PRDM16: variants seen among roughly 807,000 people sequenced by gnomAD.
The protein encoded by PRDM16 is PR/SET domain 16.
Under a neutral mutation model 110.6 loss-of-function variants are expected in PRDM16, and 23 were observed. The observed-to-expected ratio is 0.21, with a 90% CI of 0.15 to 0.29. PRDM16 has a LOEUF of 0.29. PRDM16 is among the 10% of genes least tolerant of loss of function. The probability of loss-of-function intolerance (pLI) is 1.00; values close to 1 mark genes in which losing one functional copy is unlikely to be tolerated. For synonymous variants in PRDM16, 799 were observed against 781.8 expected, an observed-to-expected ratio of 1.02 and a Z score of -0.37; for missense variants, 1,615 against 1,794.3, an observed-to-expected ratio of 0.90 and a Z score of 1.81.
At chr1:3,137,148 A>G (rs979894508) in intron 1 of PRDM16, among the ~76,000 whole-genome samples, 2 of 152,202 alleles carry the variant, frequency 1.3e-5, no homozygotes, top group African/African-American at 4.8e-5. Flanking sequence ...TCCCACCAGA[A>G]CAGGGTGACC....
At chr1:3,094,318 C>T (rs1444977100) in intron 1 of PRDM16, among the ~76,000 whole-genome samples, 1 of 152,218 alleles carries the variant, frequency 6.6e-6, no homozygotes, top group Non-Finnish European at 1.5e-5. Flanking sequence ...TGGGCAGCCA[C>T]GGAATTGTCA....
chr1:3,162,348 C>T (rs936897291), intron 1 of PRDM16, among the ~76,000 whole-genome samples: 4 of 152,210 alleles, frequency 2.6e-5, no homozygotes, highest in Non-Finnish European at 5.9e-5. Flanking sequence ...CCTCCCTCCT[C>T]CCGCAGCCGC....
chr1:3,237,639 G>A (rs1639567298), intron 2 of PRDM16, among the ~76,000 whole-genome samples: 1 of 152,248 alleles, frequency 6.6e-6, no homozygotes, highest in African/African-American at 2.4e-5. Context: ...CCAGGGAGAG[G>A]AAGAGCAGTG....
rs1351626774 is a variant in PRDM16, at chr1:3,411,326, C to T, written c.1187-58C>T. On this transcript the variant is annotated intron_variant, in intron 8 of 16. Coordinates refer to ENST00000270722, the MANE Select transcript of PRDM16 (RefSeq NM_022114.4). ...TCCCAGTAATTTCATGTGGCGTTTT[C>T]AGCAGGGTTTCCCGGTCATTTCATG... 10 of 1,541,008 alleles carry T rather than the reference C, an allele frequency of 6.5e-6. No individual in the cohort carries two copies. In the East Asian group the frequency reaches 2.3e-4, roughly 35 times the overall value.
intron 3 of PRDM16, among the ~76,000 whole-genome samples, chr1:3,378,119 C>T (rs917249502): frequency 3.3e-5 from 5 of 152,212 alleles, no homozygotes; most frequent in African/African-American, 9.6e-5. Flanking sequence ...GGCGCTGTCC[C>T]CACCTGGTAC....
At chr1:3,221,893 C>A (rs1468846748) in intron 2 of PRDM16, among the ~76,000 whole-genome samples, 1 of 152,256 alleles carries the variant, frequency 6.6e-6, no homozygotes, top group Non-Finnish European at 1.5e-5. Context: ...AGGCCCAGAA[C>A]CTTGGAGCCA....
chr1:3,209,774 G>A lies in PRDM16; in HGVS notation c.387+23300G>A, dbSNP rs1258638779. 1.3e-5 allele frequency among the ~76,000 whole-genome samples: 2 copies of A among 152,156 alleles called. No individual in the cohort carries two copies. Among genetic ancestry groups the A allele is most frequent in the African/African-American group, 2.4e-5 (1 of 41,440 alleles). On this transcript the variant is annotated intron_variant, in intron 2 of 16. Transcript: ENST00000270722. This position sits in a 1 kb window ranked among gnomAD's most constrained non-coding sequence, Gnocchi z 4.6. ...CCAGGAACTTGTCTTGTAGTTTCCT[G>A]AGCACGACAGCCAGGACTTGGTCCA... is the stretch of plus-strand genomic sequence containing the variant.
chr1:3,310,047 GCA>G (rs1343430909), intron 3 of PRDM16: 2 of 152,248 alleles, frequency 1.3e-5, no homozygotes, highest in Admixed American at 1.3e-4. Context: ...CCTGGGTGCA[GCA>G]CAGACACTTT....
chr1:3,173,146 T>C (rs1215632262), intron 1 of PRDM16, among the ~76,000 whole-genome samples: 1 of 152,140 alleles, frequency 6.6e-6, no homozygotes, highest in East Asian at 1.9e-4. Flanking sequence ...TCGGCTGTGA[T>C]TCAGGAGGGA....
At chr1:3,192,609 C>A (rs189033363) in intron 2 of PRDM16, among the ~76,000 whole-genome samples, 4 of 152,110 alleles carry the variant, frequency 2.6e-5, no homozygotes, top group Non-Finnish European at 4.4e-5. Context: ...GACTTAGACC[C>A]CTCCGTCGGT....
At chr1:3,140,359 T>C (rs1449677912) in intron 1 of PRDM16, among the ~76,000 whole-genome samples, 1 of 152,124 alleles carries the variant, frequency 6.6e-6, no homozygotes, top group Non-Finnish European at 1.5e-5. Context: ...TACGGGGGTC[T>C]CACATAGGGC....
chr1:3,404,895 C>G lies in PRDM16; in HGVS notation c.1032+9C>G. Reference sequence around the variant, plus strand: ...GTGAAAACTGCGTGAAGGTAACCTGCGGGGCGGCCCCGTCTCAGCCCCGGG... The same window carrying G: ...GTGAAAACTGCGTGAAGGTAACCTGGGGGGCGGCCCCGTCTCAGCCCCGGG... On this transcript the variant is annotated intron_variant, in intron 7 of 16. Coordinates refer to ENST00000270722, the MANE Select transcript of PRDM16 (RefSeq NM_022114.4). 6.2e-7 allele frequency: 1 copy of G among 1,611,548 alleles called. No homozygotes were observed. The highest frequency in any genetic ancestry group is 8.5e-7 in the Non-Finnish European group (1 of 1,179,362).
intron 2 of PRDM16, among the ~76,000 whole-genome samples, chr1:3,240,065 GGA>G (rs1491128854): frequency 7.3e-5 from 5 of 68,836 alleles, no homozygotes; most frequent in African/African-American, 2.9e-4. Flanking sequence ...GAAGAGGAGA[GGA>G]GAGGAGAGGA....
Position 3,382,136 on chromosome 1 carries a change from C to T in PRDM16, c.439-3016C>T, listed in dbSNP as rs982790551. Among the ~76,000 whole-genome samples, 5 of 152,222 alleles carry T rather than the reference C, an allele frequency of 3.3e-5. No homozygotes were observed. Among genetic ancestry groups the T allele is most frequent in the Admixed American group, 3.3e-4 (5 of 15,288 alleles). Reference sequence around the variant, plus strand: ...GGGAGGTGAGGGGGCCCTAAGAGGCCTTTGTGCCTGGGGAGGGGCCTCACC... The same window carrying T: ...GGGAGGTGAGGGGGCCCTAAGAGGCTTTTGTGCCTGGGGAGGGGCCTCACC... On this transcript the variant is annotated intron_variant, in intron 3 of 16. Coordinates refer to ENST00000270722, the MANE Select transcript of PRDM16 (RefSeq NM_022114.4). This position sits in a 1 kb window ranked among gnomAD's most constrained non-coding sequence, Gnocchi z 6.6.
At chr1:3,313,087 A>G (rs1641503174) in intron 3 of PRDM16, among the ~76,000 whole-genome samples, 1 of 152,242 alleles carries the variant, frequency 6.6e-6, no homozygotes, top group African/African-American at 2.4e-5. Flanking sequence ...GCCATCTCCC[A>G]AGGGCACCCG....
At position 3,385,284 on chromosome 1, in the gene PRDM16, C is replaced by G. The variant is rs764272111; in HGVS notation, c.571C>G (p.Gln191Glu). The G allele has an allele frequency of 6.2e-6, 10 of 1,613,584 alleles. No homozygotes were observed. In the Admixed American group the frequency reaches 1.5e-4, roughly 24 times the overall value. ...QNLTMCQISE[Q>E]IYYKVIKDIE... Reference sequence around the variant, plus strand: ...CCTCACCATGTGTCAGATCAGTGAGCAGGTAGGTCCGGGCTCATAACAGGG... The same window carrying G: ...CCTCACCATGTGTCAGATCAGTGAGGAGGTAGGTCCGGGCTCATAACAGGG... The change falls in exon 4 of 17, where the codon CAG becomes GAG. Residue 191 changes from glutamine to glutamate, a missense_variant and splice_region_variant. Physicochemically the swap from Gln to Glu is conservative, Grantham distance 29. This residue lies in a region of PRDM16 where 416 missense variants were observed against 467.1 expected (regional missense o/e 0.89). Coordinates refer to ENST00000270722, the MANE Select transcript of PRDM16 (RefSeq NM_022114.4).
At chr1:3,414,111 C>T (rs888878465) in intron 9 of PRDM16, among the ~76,000 whole-genome samples, 2 of 152,210 alleles carry the variant, frequency 1.3e-5, no homozygotes, top group African/African-American at 4.8e-5. Flanking sequence ...CTGCTGTGAG[C>T]AGGTCCAGGG....
At chr1:3,082,271 T>G (rs539923955) in intron 1 of PRDM16, among the ~76,000 whole-genome samples, 44 of 152,230 alleles carry the variant, frequency 2.9e-4, no homozygotes, top group African/African-American at 9.6e-4. Context: ...AGGGGAAGTT[T>G]TCTGTTCCTT....
chr1:3,098,132 C>T (rs1206177124), intron 1 of PRDM16, among the ~76,000 whole-genome samples: 1 of 152,156 alleles, frequency 6.6e-6, no homozygotes, highest in East Asian at 1.9e-4. Context: ...GGGGCTGAGC[C>T]TTCACTGAGC....
Sources: gnomAD v4.1 joint callset for allele counts (sites outside exome capture counted in the v4.1 genomes callset) on GRCh38, gnomAD v4.1.1 for gene constraint, gnomAD v4.1.1 regional missense constraint, Gnocchi (gnomAD v3.1) non-coding constraint, MANE v1.5 for transcripts, NCBI Gene and HGNC (gene_info 2026-07-23, HGNC 2026-07-21) for gene names.